C9orf50: variants seen among roughly 807,000 people sequenced by gnomAD.
C9orf50 encodes the protein chromosome 9 open reading frame 50.
In C9orf50, 33 loss-of-function variants were observed where a neutral mutation model predicts 42.5. That is an observed-to-expected ratio of 0.78 (90% CI 0.59 to 1.04). The LOEUF (loss-of-function observed/expected upper bound fraction) is 1.04, where lower values mean the gene tolerates loss of function less well. C9orf50 is among the 50% of genes least tolerant of loss of function. The pLI is 0.00. For missense variants in C9orf50, 547 were observed against 594.3 expected (o/e 0.92, Z 0.83); for synonymous variants, 257 against 273.4 (o/e 0.94, Z 0.59).
Position 129,614,521 on chromosome 9 carries a change from G to A in C9orf50, c.881-924C>T, listed in dbSNP as rs568688278. Among the ~76,000 whole-genome samples the A allele has an allele frequency of 6.8e-4, 104 of 152,338 alleles. 1 individual carries two copies. Among genetic ancestry groups the A allele is most frequent in the Non-Finnish European group, 2.9e-5 (2 of 68,028 alleles). On this transcript the variant is annotated intron_variant, in intron 4 of 6. Coordinates refer to ENST00000372478, the Ensembl canonical transcript of C9orf50. The surrounding 1 kb of genome is among the most constrained non-coding windows in gnomAD (Gnocchi z 4.4). ...CTGCTGGATCCTGAGAAGAGGCTGG[G>A]CACACAGAAAAAGGTGGAGCTTAGT...
At chr9:129,615,185 C>T (rs181941294) in intron 4 of C9orf50, among the ~76,000 whole-genome samples, 2 of 152,334 alleles carry the variant, frequency 1.3e-5, no homozygotes, top group Non-Finnish European at 2.9e-5. Flanking sequence ...GCTCTGGAGG[C>T]TCCGGCTACG....
Position 129,613,379 on chromosome 9 carries a change from G to A in C9orf50, c.1043+56C>T. The A allele has an allele frequency of 1.9e-6, 3 of 1,597,458 alleles. No homozygotes were observed. Among genetic ancestry groups the A allele is most frequent in the South Asian group, 1.1e-5 (1 of 90,052 alleles). The stretch of plus-strand genomic sequence containing the variant: ...TGGGTGGGGAGGTCTGTAGGCAAGG[G>A]GGGTGGAGGGCCCTGGCAATGTCCA... On this transcript the variant is annotated intron_variant, in intron 5 of 6. Coordinates refer to ENST00000372478, the Ensembl canonical transcript of C9orf50. The surrounding 1 kb of genome is among the most constrained non-coding windows in gnomAD (Gnocchi z 6.2).
chr9:129,619,987 G>A (rs980792791), intron 1 of C9orf50, 80 bp downstream of exon 1: 92 of 1,470,734 alleles, frequency 6.3e-5, no homozygotes, highest in Non-Finnish European at 8.2e-5. Context: ...GGGTGGTGGG[G>A]TGGTGGGTGC....
chr9:129,615,590 C>T lies in C9orf50; in HGVS notation c.774G>A (p.Ser258=), dbSNP rs111868243. 1.9e-3 allele frequency: 3,007 copies of T among 1,605,802 alleles called. 42 individuals are homozygous for T. The African/African-American group carries it at 0.03, about 16-fold the overall frequency. The stretch of plus-strand genomic sequence containing the variant: ...GCCTGCAGGGCCTAGAGCCTTCCCC[C>T]GAGGGGTTGTGGGTCAGCGCAGCCT... The change falls in exon 4 of 7, where the codon TCG becomes TCA. Residue 258 remains serine (S), a synonymous_variant. Transcript: ENST00000372478.
exon 2 of C9orf50, chr9:129,619,804 C>G: frequency 1.2e-6 from 2 of 1,614,032 alleles, no homozygotes; most frequent in Non-Finnish European, 1.7e-6. Flanking sequence ...TCTAATACAC[C>G]CCTTTGATGT....
At chr9:129,619,140 A>T (rs1830544165) in intron 3 of C9orf50, among the ~76,000 whole-genome samples, 1 of 152,196 alleles carries the variant, frequency 6.6e-6, no homozygotes, top group Non-Finnish European at 1.5e-5. Flanking sequence ...TCATGGGTCC[A>T]TGATAGATTA....
chr9:129,613,419 T>C lies in C9orf50; in HGVS notation c.1043+16A>G, dbSNP rs757513239. 6.2e-7 allele frequency: 1 copy of C among 1,611,510 alleles called. No individual in the cohort carries two copies. The highest frequency in any genetic ancestry group is 8.5e-7 in the Non-Finnish European group (1 of 1,178,304). On this transcript the variant is annotated intron_variant, in intron 5 of 6. Transcript: ENST00000372478. This position sits in a 1 kb window ranked among gnomAD's most constrained non-coding sequence, Gnocchi z 6.2. ...GGCAATGTCCACGAGTCCCATCCGC[T>C]TCCCTGGAGCCTCACAGGCCAGCGC... is the stretch of plus-strand genomic sequence containing the variant.
At chr9:129,617,921 C>T (rs192311691) in intron 3 of C9orf50, among the ~76,000 whole-genome samples, 5 of 152,216 alleles carry the variant, frequency 3.3e-5, no homozygotes, top group Admixed American at 2.6e-4. Flanking sequence ...TGGGCTCAAG[C>T]GATCCTCCTG....
Position 129,620,527 on chromosome 9 carries a change from C to A in C9orf50, c.48G>T (p.Lys16Asn), listed in dbSNP as rs1443791083. Residue 16 changes from lysine to asparagine, a missense_variant, in exon 1 of 7, where the codon AAG (lysine) becomes AAT (asparagine). By Grantham distance (94) the Lys-to-Asn change is moderately conservative. Transcript: ENST00000372478. The surrounding 1 kb of genome is among the most constrained non-coding windows in gnomAD (Gnocchi z 5.8). ...GGAAGTCTCCGTCGCCAGGGAGCCCCTTGGGCGCCAGGTCCTGGGCCCCTG... is the reference window on the plus strand; with the variant it reads ...GGAAGTCTCCGTCGCCAGGGAGCCCATTGGGCGCCAGGTCCTGGGCCCCTG... 6.9e-7 allele frequency: 1 copy of A among 1,446,058 alleles called. No individual in the cohort carries two copies. Among genetic ancestry groups the A allele is most frequent in the Non-Finnish European group, 9.1e-7 (1 of 1,097,328 alleles). 89.6% of individuals were successfully genotyped at this position (1,446,058 alleles called of 1,614,324 possible).
At chr9:129,612,641 G>A (rs1830146792) in intron 6 of C9orf50, among the ~76,000 whole-genome samples, 187 bp from the exon 7 acceptor site, 1 of 152,246 alleles carries the variant, frequency 6.6e-6, no homozygotes. Context: ...AGTTTGGGAG[G>A]CCAAGGCGGA....
Position 129,613,050 on chromosome 9 carries a change from C to T in C9orf50, c.1188+57G>A. The T allele has an allele frequency of 6.2e-7, 1 of 1,605,352 alleles. No homozygotes were observed. The highest frequency in any genetic ancestry group is 1.1e-5 in the South Asian group (1 of 90,022). Reference sequence around the variant, plus strand: ...CACCAAACAGGGCTGCTCCCGGAGCCAGCTGCCAGCAGGGGCTCACCAGCT... The same window carrying T: ...CACCAAACAGGGCTGCTCCCGGAGCTAGCTGCCAGCAGGGGCTCACCAGCT... On this transcript the variant is annotated intron_variant, in intron 6 of 6. Transcript: ENST00000372478. The surrounding 1 kb of genome is among the most constrained non-coding windows in gnomAD (Gnocchi z 6.2).
chr9:129,613,481 TG>T lies in C9orf50; in HGVS notation c.996del (p.Lys333ArgfsTer31). ...GAGGAGCTGGCCAGGGTCTCCTCCT[TG>T]GCCCCAGGGTACAGGGCTTTGGGCA... is the stretch of plus-strand genomic sequence containing the variant. On this transcript the variant is annotated frameshift_variant, in exon 5 of 7. Coordinates refer to ENST00000372478, the Ensembl canonical transcript of C9orf50. LOFTEE classifies it high-confidence loss of function. This position sits in a 1 kb window ranked among gnomAD's most constrained non-coding sequence, Gnocchi z 6.2. The T allele has an allele frequency of 1.9e-6, 3 of 1,614,130 alleles. No individual in the cohort carries two copies. Among genetic ancestry groups the T allele is most frequent in the Non-Finnish European group, 2.5e-6 (3 of 1,180,018 alleles).
exon 7 of C9orf50, chr9:129,612,283 G>C: frequency 7.2e-7 from 1 of 1,388,686 alleles, no homozygotes; most frequent in South Asian, 1.2e-5. Flanking sequence ...TTATTTGTGG[G>C]GCAAGGAAGG....
chr9:129,620,653 C>G lies in C9orf50; in HGVS notation c.-79G>C. The stretch of plus-strand genomic sequence containing the variant: ...CCGGCTGAGGTGGGGAGGGCATAGT[C>G]CAGCCCCAGGCCATAGTGCCCCGGG... On this transcript the variant is annotated 5_prime_UTR_variant, in exon 1 of 7. Coordinates refer to ENST00000372478, the Ensembl canonical transcript of C9orf50. The surrounding 1 kb of genome is among the most constrained non-coding windows in gnomAD (Gnocchi z 5.8). 1 of 1,225,082 alleles carries G rather than the reference C, an allele frequency of 8.2e-7. No homozygotes were observed. The highest frequency in any genetic ancestry group is 3.8e-5 in the Admixed American group (1 of 26,194). The allele number at this position is 1,225,082 out of a possible 1,614,324, so 75.9% of individuals were successfully genotyped here. A position where few individuals can be genotyped will look rare whatever the true frequency, so the allele number is the denominator to read the frequency against.
chr9:129,614,905 A>C lies in C9orf50; in HGVS notation c.880+579T>G, dbSNP rs1588112730. Among the ~76,000 whole-genome samples the C allele has an allele frequency of 6.6e-6, 1 of 150,970 alleles. No individual in the cohort carries two copies. Among genetic ancestry groups the C allele is most frequent in the Admixed American group, 6.6e-5 (1 of 15,156 alleles). ...CGACAGAGTGAGACTCCGTATCAGAAAAAAAAAAAGAAAAAGAAAACTCAC... is the reference window on the plus strand; with the variant it reads ...CGACAGAGTGAGACTCCGTATCAGACAAAAAAAAAGAAAAAGAAAACTCAC... On this transcript the variant is annotated intron_variant, in intron 4 of 6. Transcript: ENST00000372478. The surrounding 1 kb of genome is among the most constrained non-coding windows in gnomAD (Gnocchi z 4.4).
At chr9:129,619,959 T>G in intron 1 of C9orf50, 108 bp downstream of exon 1, 10 of 1,482,450 alleles carry the variant, frequency 6.7e-6, no homozygotes, top group Non-Finnish European at 9.2e-6. Flanking sequence ...TCAGCTAACA[T>G]TAGCATCCTT....
rs899175312 is a variant in C9orf50, at chr9:129,613,356, G to T, written c.1043+79C>A. 3 of 1,578,100 alleles carry T rather than the reference G, an allele frequency of 1.9e-6. No individual in the cohort carries two copies. Among genetic ancestry groups the T allele is most frequent in the Admixed American group, 3.5e-5 (2 of 56,358 alleles). ...CACACTGGCAACCCGCCTGCTGCTG[G>T]GTGGGGAGGTCTGTAGGCAAGGGGG... On this transcript the variant is annotated intron_variant, in intron 5 of 6. Transcript: ENST00000372478. This position sits in a 1 kb window ranked among gnomAD's most constrained non-coding sequence, Gnocchi z 6.2.
intron 1 of C9orf50, 83 bp downstream of exon 1, chr9:129,619,976 TGGGTGGTG>T: frequency 6.8e-7 from 1 of 1,470,392 alleles, no homozygotes; most frequent in Non-Finnish European, 9.2e-7. Context: ...CCTTCTAGCC[TGGGTGGTG>T]GGGTGGTGGG....
At chr9:129,615,111 A>G (rs1196507096) in intron 4 of C9orf50, among the ~76,000 whole-genome samples, 1 of 152,210 alleles carries the variant, frequency 6.6e-6, no homozygotes, top group East Asian at 1.9e-4. Context: ...AGATGCTTCC[A>G]ATGGCATCTG....
Sources: gnomAD v4.1 joint callset for allele counts (sites outside exome capture counted in the v4.1 genomes callset) on GRCh38, gnomAD v4.1.1 for gene constraint, Gnocchi (gnomAD v3.1) non-coding constraint, MANE v1.5 for transcripts, NCBI Gene and HGNC (gene_info 2026-07-23, HGNC 2026-07-21) for gene names.